Variants in PTPRQ observed in about 807,000 individuals in gnomAD.
The protein encoded by PTPRQ is phosphatidylinositol phosphatase PTPRQ.
A neutral mutation model predicts 246.0 loss-of-function variants in PTPRQ; 199 were observed. That is an observed-to-expected ratio of 0.81 (90% confidence interval 0.72 to 0.91). The LOEUF (loss-of-function observed/expected upper bound fraction) is 0.91. PTPRQ is among the 40% of genes least tolerant of loss of function. The pLI, the probability that PTPRQ is intolerant of heterozygous loss-of-function variation, is 0.00. For synonymous variants in PTPRQ, 869 were observed against 853.2 expected (o/e 1.02, Z -0.32); for missense variants, 2,624 against 2,528.4 (o/e 1.04, Z -0.81).
intron 3 of PTPRQ, among the ~76,000 whole-genome samples, chr12:80,452,944 A>C (rs933561772): frequency 2.0e-5 from 3 of 152,208 alleles, no homozygotes; most frequent in African/African-American, 7.2e-5. Flanking sequence ...TCTCCTGGAT[A>C]ATATCCTGCA....
chr12:80,500,717 C>T (rs556855468), intron 14 of PTPRQ, among the ~76,000 whole-genome samples: 1 of 152,028 alleles, frequency 6.6e-6, no homozygotes, highest in Non-Finnish European at 1.5e-5. Flanking sequence ...CACTAAACAG[C>T]TTTTATGGGT....
intron 26 of PTPRQ, among the ~76,000 whole-genome samples, chr12:80,603,351 T>A (rs930380358): frequency 6.6e-6 from 1 of 151,710 alleles, no homozygotes; most frequent in Non-Finnish European, 1.5e-5. Flanking sequence ...GGAAAAATAA[T>A]TCTTTTCTCA....
intron 25 of PTPRQ, among the ~76,000 whole-genome samples, chr12:80,554,199 G>A (rs1297882294): frequency 6.6e-6 from 1 of 152,112 alleles, no homozygotes; most frequent in African/African-American, 2.4e-5. Context: ...TTTAAAAGTA[G>A]CTAAAATAGT....
chr12:80,533,633 GT>G (rs1895906169), intron 17 of PTPRQ, among the ~76,000 whole-genome samples: 1 of 151,934 alleles, frequency 6.6e-6, no homozygotes, highest in Non-Finnish European at 1.5e-5. Flanking sequence ...TAAATTAATA[GT>G]TTAAATAAGA....
chr12:80,622,254 A>G, intron 33 of PTPRQ, 120 bp downstream of exon 33: 2 of 858,012 alleles, frequency 2.3e-6, no homozygotes, highest in Non-Finnish European at 3.2e-6. Context: ...TTAAATGTTA[A>G]TTAGCCTCTC....
intron 17 of PTPRQ, among the ~76,000 whole-genome samples, chr12:80,521,577 A>G (rs908576819): frequency 3.9e-4 from 59 of 151,996 alleles, no homozygotes; most frequent in African/African-American, 1.4e-3. Context: ...AGCTTTCTAC[A>G]TATGGCTAGC....
intron 9 of PTPRQ, among the ~76,000 whole-genome samples, chr12:80,492,893 A>G (rs1048747869): frequency 3.3e-5 from 5 of 152,004 alleles, no homozygotes; most frequent in Non-Finnish European, 5.9e-5. Flanking sequence ...GAAAAGCAAA[A>G]CACATTCTAA....
At chr12:80,636,757 AG>A (rs1359865876) in intron 35 of PTPRQ, among the ~76,000 whole-genome samples, 1 of 152,172 alleles carries the variant, frequency 6.6e-6, no homozygotes, top group African/African-American at 2.4e-5. Flanking sequence ...ATCCTGAATA[AG>A]TATATCTTCA....
intron 25 of PTPRQ, among the ~76,000 whole-genome samples, chr12:80,555,271 G>T (rs1341955277): frequency 6.6e-6 from 1 of 152,052 alleles, no homozygotes; most frequent in Non-Finnish European, 1.5e-5. Flanking sequence ...TGTTGCCCAG[G>T]CTGGTCTCAA....
chr12:80,601,351 A>G (rs555755311), intron 26 of PTPRQ, among the ~76,000 whole-genome samples: 1 of 151,926 alleles, frequency 6.6e-6, no homozygotes, highest in Admixed American at 6.6e-5. Context: ...GGTGTTCAGT[A>G]AACTGTTGCT....
chr12:80,621,173 A>G lies in PTPRQ; in HGVS notation c.5612+797A>G, dbSNP rs562636202. ...TTGGAAAAATTAGAGAAATTAGGCA[A>G]ATAAAAATAATGCTTTATCATCTCT... On this transcript the variant is annotated intron_variant, in intron 32 of 44. Transcript: ENST00000644991. Among the ~76,000 whole-genome samples the G allele has an allele frequency of 1.4e-4, 22 of 152,018 alleles. 1 individual carries two copies. The East Asian group carries it at 4.3e-3, about 30-fold the overall frequency.
At chr12:80,523,954 T>A (rs1442176834) in intron 17 of PTPRQ, among the ~76,000 whole-genome samples, 1 of 152,180 alleles carries the variant, frequency 6.6e-6, no homozygotes, top group Non-Finnish European at 1.5e-5. Flanking sequence ...TGTCTAATGT[T>A]GACAGGGGGT....
At chr12:80,536,888 A>G (rs1218794220) in intron 19 of PTPRQ, among the ~76,000 whole-genome samples, 1 of 152,194 alleles carries the variant, frequency 6.6e-6, no homozygotes, top group African/African-American at 2.4e-5. Flanking sequence ...AATTTTAGCA[A>G]TCATTTTGTC....
chr12:80,645,653 G>A (rs1042038420), intron 35 of PTPRQ, among the ~76,000 whole-genome samples: 16 of 151,664 alleles, frequency 1.1e-4, no homozygotes, highest in Admixed American at 2.0e-4. Flanking sequence ...AAGATGATTT[G>A]TCCTTGGAAA....
rs1156792572 is a variant in PTPRQ, at chr12:80,649,618, T to C, written c.5973T>C (p.His1991=). 1 of 1,549,978 alleles carries C rather than the reference T, an allele frequency of 6.5e-7. No individual in the cohort carries two copies. Among genetic ancestry groups the C allele is most frequent in the Non-Finnish European group, 8.7e-7 (1 of 1,145,896 alleles). ...TAAGCAAGAAATCCTTCCTGCAACA[T>C]GTTGAAGAGCTTTGCACAAACAACA... The part of the protein sequence containing the change: ...KPISKKSFLQ[H]VEELCTNNNL... Residue 1991 remains histidine, a synonymous_variant, in exon 37 of 45, where the codon CAT becomes CAC. Transcript: ENST00000644991.
At chr12:80,487,336 G>T (rs1894309821) in intron 9 of PTPRQ, among the ~76,000 whole-genome samples, 1 of 152,076 alleles carries the variant, frequency 6.6e-6, no homozygotes, top group African/African-American at 2.4e-5. Flanking sequence ...ACCTGTGCAG[G>T]TTCCCACAGG....
Position 80,539,904 on chromosome 12 carries a change from T to G in PTPRQ, c.3114T>G (p.Asn1038Lys), listed in dbSNP as rs1345282325. Residue 1038 changes from asparagine (N) to lysine (K), a missense_variant, in exon 20 of 45, where the codon AAT becomes AAG. Asn to Lys is a moderately conservative substitution (Grantham distance 94). Coordinates refer to ENST00000644991, the MANE Select transcript of PTPRQ (RefSeq NM_001145026.2). Reference sequence around the variant, plus strand: ...CAAGTACTTCAGTTGGAAATGGGAATAAAAGCAGTGACATCATTGAAGTAT... The same window carrying G: ...CAAGTACTTCAGTTGGAAATGGGAAGAAAAGCAGTGACATCATTGAAGTAT... The part of the protein sequence containing the change: ...LTASTSVGNG[N>K]KSSDIIEVYT... The G allele has an allele frequency of 1.3e-6, 2 of 1,548,928 alleles. No homozygotes were observed. The highest frequency in any genetic ancestry group is 2.4e-5 in the South Asian group (2 of 83,734).
At chr12:80,450,271 T>C (rs1433453966) in intron 3 of PTPRQ, among the ~76,000 whole-genome samples, 1 of 152,130 alleles carries the variant, frequency 6.6e-6, no homozygotes, top group African/African-American at 2.4e-5. Flanking sequence ...CTTAAGGAGA[T>C]TTTGGGCTGA....
In PTPRQ at chr12:80,628,594, T is replaced by G. The variant is rs561428271; in HGVS notation, c.5687-3598T>G. Among the ~76,000 whole-genome samples the G allele has an allele frequency of 5.0e-4, 76 of 152,286 alleles. No homozygotes were observed. The East Asian group carries it at 6.4e-3, about 13-fold the overall frequency. On this transcript the variant is annotated intron_variant, in intron 33 of 44. Transcript: ENST00000644991. ...TCAAACACGAACATTTTTAATCTTT[T>G]TCAAAATCAATATATTTGTTCATTA...
Sources: gnomAD v4.1 joint callset for allele counts (sites outside exome capture counted in the v4.1 genomes callset) on GRCh38, gnomAD v4.1.1 for gene constraint, MANE v1.5 for transcripts, NCBI Gene and HGNC (gene_info 2026-07-23, HGNC 2026-07-21) for gene names.